The following ACSM2A variants were observed in gnomAD, a reference collection of about 807,000 sequenced individuals.
The protein encoded by ACSM2A is acyl-CoA synthetase medium chain family member 2A, also known as acyl-coenzyme A synthetase ACSM2A, mitochondrial.
Under a neutral mutation model 76.6 loss-of-function variants are expected in ACSM2A, and 72 were observed. The ratio of observed to expected loss-of-function variants is 0.94; its 90% CI spans 0.78 to 1.14. The LOEUF (loss-of-function observed/expected upper bound fraction) is 1.14. Among genes scored for constraint, ACSM2A ranks in the 50% most tolerant of loss-of-function variants. The pLI is 0.00. For synonymous variants in ACSM2A, 249 were observed against 255.9 expected (o/e 0.97, Z 0.26); for missense variants, 684 against 708.5 (o/e 0.97, Z 0.39).
intron 3 of ACSM2A, among the ~76,000 whole-genome samples, chr16:20,467,623 C>T (rs538859963): frequency 6.6e-6 from 1 of 152,164 alleles, no homozygotes; most frequent in South Asian, 2.1e-4. Context: ...GAAGTACAGA[C>T]ATTTCAGCAA....
intron 12 of ACSM2A, chr16:20,482,158 A>C (rs1453476558): frequency 1.3e-5 from 2 of 150,940 alleles, no homozygotes; most frequent in Non-Finnish European, 2.9e-5. Context: ...AAAAAAAAGA[A>C]AGAAAAAAAA....
intron 2 of ACSM2A, among the ~76,000 whole-genome samples, chr16:20,460,661 A>C (rs1425552497): frequency 6.7e-6 from 1 of 149,122 alleles, no homozygotes; most frequent in Non-Finnish European, 1.5e-5. Context: ...TGGGCAACAC[A>C]GCGAGACTCT....
At chr16:20,476,850 G>A (rs2013765126) in intron 8 of ACSM2A, 3 of 326,660 alleles carry the variant, frequency 9.2e-6, no homozygotes, top group African/African-American at 2.2e-5. Context: ...TGCTGCCATG[G>A]GAGATACTTT....
Position 20,469,615 on chromosome 16 carries a change from C to T in ACSM2A, c.492C>T (p.Ile164=), listed in dbSNP as rs368094068. 4.3e-6 allele frequency: 7 copies of T among 1,613,790 alleles called. No homozygotes were observed. The highest frequency in any genetic ancestry group is 4.0e-5 in the African/African-American group (3 of 74,922). ...CTATTGTTGCTGGGGATGAAGTCATCCAAGAAGTGGACACAGTGGCATCTG... is the reference window on the plus strand; with the variant it reads ...CTATTGTTGCTGGGGATGAAGTCATTCAAGAAGTGGACACAGTGGCATCTG... ...AKAIVAGDEV[I]QEVDTVASEC... Residue 164 remains isoleucine, a synonymous_variant, in exon 4 of 14, where the codon ATC becomes ATT. Transcript: ENST00000573854.
chr16:20,471,623 T>C lies in ACSM2A; in HGVS notation c.828T>C (p.Pro276=), dbSNP rs2013412791. ...ACATCTTGTGCTCACTTATGGAACC[T>C]TGGGCATTAGGAGCATGCACATTTG... ...ILNILCSLME[P]WALGACTFVH... Residue 276 remains proline, a synonymous_variant, in exon 6 of 14, where the codon CCT becomes CCC. Coordinates refer to ENST00000573854, the MANE Select transcript of ACSM2A (RefSeq NM_001308172.2). 6 of 1,614,096 alleles carry C rather than the reference T, an allele frequency of 3.7e-6. No individual in the cohort carries two copies. The highest frequency in any genetic ancestry group is 5.1e-6 in the Non-Finnish European group (6 of 1,179,942).
At position 20,465,703 on chromosome 16, in the gene ACSM2A, G is replaced by C; in HGVS notation, c.364G>C (p.Val122Leu). 6.2e-7 allele frequency: 1 copy of C among 1,613,928 alleles called. No homozygotes were observed. The highest frequency in any genetic ancestry group is 8.5e-7 in the Non-Finnish European group (1 of 1,179,830). ...VLPRVPEWWL[V>L]ILGCIRAGLI... Reference sequence around the variant, plus strand: ...GCCCCGAGTGCCTGAGTGGTGGCTGGTGATCCTGGGCTGCATTCGAGCAGG... The same window carrying C: ...GCCCCGAGTGCCTGAGTGGTGGCTGCTGATCCTGGGCTGCATTCGAGCAGG... The change falls in exon 3 of 14, where the codon GTG becomes CTG. Residue 122 changes from valine to leucine, a missense_variant. Around this residue, in one of 3 missense-constraint regions of ACSM2A, gnomAD observed 519 missense variants for 549.5 expected, o/e 0.94. Coordinates refer to ENST00000573854, the MANE Select transcript of ACSM2A (RefSeq NM_001308172.2).
Position 20,475,483 on chromosome 16 carries a change from C to T in ACSM2A, c.974+42C>T, listed in dbSNP as rs746757393. The T allele has an allele frequency of 6.3e-5, 101 of 1,609,866 alleles. No individual in the cohort carries two copies. The Middle Eastern group carries it at 1.7e-3, about 26-fold the overall frequency. On this transcript the variant is annotated intron_variant, in intron 7 of 13. Transcript: ENST00000573854. ...GATTGGTAAGAGAGTCTGGCCCCATCCCCCTGACTCCCTCACATACATTCA... is the reference window on the plus strand; with the variant it reads ...GATTGGTAAGAGAGTCTGGCCCCATTCCCCTGACTCCCTCACATACATTCA...
intron 1 of ACSM2A, among the ~76,000 whole-genome samples, chr16:20,452,660 C>A (rs2011847583): frequency 1.4e-5 from 2 of 143,088 alleles, no homozygotes; most frequent in South Asian, 4.7e-4. Flanking sequence ...CTGACTAATA[C>A]AGATTTTGGT....
chr16:20,452,662 G>T (rs2011847803), intron 1 of ACSM2A, among the ~76,000 whole-genome samples: 1 of 143,534 alleles, frequency 7.0e-6, no homozygotes, highest in Non-Finnish European at 1.5e-5. Context: ...GACTAATACA[G>T]ATTTTGGTAC....
At chr16:20,473,519 T>C (rs2013540246) in intron 6 of ACSM2A, among the ~76,000 whole-genome samples, 1 of 152,196 alleles carries the variant, frequency 6.6e-6, no homozygotes, top group Admixed American at 6.5e-5. Flanking sequence ...CTTATATCTG[T>C]GTATCAAGCA....
At chr16:20,468,461 G>T (rs542918386) in intron 3 of ACSM2A, among the ~76,000 whole-genome samples, 1 of 152,224 alleles carries the variant, frequency 6.6e-6, no homozygotes, top group Non-Finnish European at 1.5e-5. Context: ...CCAGGTTCAA[G>T]CAATCCTCCT....
intron 13 of ACSM2A, among the ~76,000 whole-genome samples, chr16:20,485,364 T>A (rs568209634): frequency 1.3e-5 from 2 of 152,150 alleles, no homozygotes; most frequent in African/African-American, 4.8e-5. Context: ...ACCTTCCCCC[T>A]CCTTCCACCA....
Position 20,486,671 on chromosome 16 carries a change from C to G in ACSM2A, c.1727C>G (p.Ala576Gly). Reference sequence around the variant, plus strand: ...TGGAAGATGTCCGGAAAAGCCCGTGCGCAGTGAGACATCTAAGAGACATTC... The same window carrying G: ...TGGAAGATGTCCGGAAAAGCCCGTGGGCAGTGAGACATCTAAGAGACATTC... ...KEWKMSGKAR[A>G]Q The change falls in exon 14 of 14, where the codon GCG becomes GGG. Residue 576 changes from alanine to glycine, a missense_variant. Ala to Gly is a moderately conservative substitution (Grantham distance 60). This residue lies in a region of ACSM2A where 159 missense variants were observed against 132.5 expected (regional missense o/e 1.20). Coordinates refer to ENST00000573854, the MANE Select transcript of ACSM2A (RefSeq NM_001308172.2). 6 of 1,614,116 alleles carry G rather than the reference C, an allele frequency of 3.7e-6. No homozygotes were observed. Among genetic ancestry groups the G allele is most frequent in the Non-Finnish European group, 5.1e-6 (6 of 1,179,976 alleles).
intron 3 of ACSM2A, among the ~76,000 whole-genome samples, chr16:20,468,922 A>G (rs2013193646): frequency 6.6e-6 from 1 of 152,220 alleles, no homozygotes; most frequent in Admixed American, 6.5e-5. Context: ...GAGGTGATGG[A>G]TATGTGAATT....
At chr16:20,465,783 G>A (rs535475270) in intron 3 of ACSM2A, 56 bp downstream of exon 3, 4 of 1,569,662 alleles carry the variant, frequency 2.5e-6, no homozygotes, top group Admixed American at 1.8e-5. Context: ...AAAACTGATA[G>A]CAGAGAAATG....
At position 20,472,843 on chromosome 16, in the gene ACSM2A, T is replaced by C. The variant is rs147679668; in HGVS notation, c.894+1154T>C. Among the ~76,000 whole-genome samples the C allele has an allele frequency of 1.1e-3, 165 of 152,308 alleles. 1 individual carries two copies. Among genetic ancestry groups the C allele is most frequent in the African/African-American group, 3.7e-3 (153 of 41,564 alleles). On this transcript the variant is annotated intron_variant, in intron 6 of 13. Transcript: ENST00000573854. ...TTGTTTTAGCTGGCTGCAAAGTATT[T>C]CATTATGTGAATCTGTAAAAATGTT...
rs1479346965 is a variant in ACSM2A, at chr16:20,460,223, C to T, written c.109C>T (p.His37Tyr). ...SRQLVSLQWG[H>Y]QEVPAKFNFA... ...GCAACTGGTGTCCCTGCAGTGGGGC[C>T]ACCAGGAAGTGCCGGCCAAGTTTAA... Residue 37 changes from histidine (H) to tyrosine (Y), a missense_variant, in exon 2 of 14, where the codon CAC (histidine) becomes TAC (tyrosine). His to Tyr is a moderately conservative substitution (Grantham distance 83, BLOSUM62 2). Transcript: ENST00000573854. 6.8e-6 allele frequency: 11 copies of T among 1,613,458 alleles called. No homozygotes were observed. In the Middle Eastern group the frequency reaches 1.2e-3, roughly 170 times the overall value.
chr16:20,471,512 C>T (rs921690226), intron 5 of ACSM2A, 24 bp from the exon 6 acceptor site: 2 of 1,602,574 alleles, frequency 1.2e-6, no homozygotes, highest in South Asian at 1.1e-5. Context: ...CCTATATGTA[C>T]ATGTGTTTTG....
chr16:20,481,499 T>C (rs2014080268), intron 12 of ACSM2A: 1 of 153,480 alleles, frequency 6.5e-6, no homozygotes, highest in Non-Finnish European at 1.4e-5. Context: ...TTTGCACTCA[T>C]GAGTAAGTGC....
Sources: gnomAD v4.1 joint callset for allele counts (sites outside exome capture counted in the v4.1 genomes callset) on GRCh38, gnomAD v4.1.1 for gene constraint, gnomAD v4.1.1 regional missense constraint, MANE v1.5 for transcripts, NCBI Gene and HGNC (gene_info 2026-07-23, HGNC 2026-07-21) for gene names.